Variants in SLC45A4 observed in about 807,000 individuals in gnomAD.
The protein encoded by SLC45A4 is polyamine-transporter SLC45A4.
SLC45A4 carries 32 observed loss-of-function variants against 63.7 expected under a neutral mutation model. That is an observed-to-expected ratio of 0.50 (90% CI 0.38 to 0.67). SLC45A4 has a LOEUF of 0.67. Among genes scored for constraint, SLC45A4 ranks in the 30% least tolerant of loss-of-function variants. SLC45A4 has a pLI of 0.00. For missense variants in SLC45A4, 1,027 were observed against 1,157.7 expected (o/e 0.89, Z 1.64); for synonymous variants, 535 against 510.0 (o/e 1.05, Z -0.66).
intron 2 of SLC45A4, among the ~76,000 whole-genome samples, chr8:141,238,179 C>T (rs1827723999): frequency 6.6e-6 from 1 of 152,240 alleles, no homozygotes; most frequent in African/African-American, 2.4e-5. Context: ...AACCCTCTCC[C>T]ACTGGACTAG....
chr8:141,218,782 C>A lies in SLC45A4; in HGVS notation c.858G>T (p.Glu286Asp), dbSNP rs750552377. 39 of 1,613,278 alleles carry A rather than the reference C, an allele frequency of 2.4e-5. No homozygotes were observed. Among genetic ancestry groups the A allele is most frequent in the Non-Finnish European group, 3.2e-5 (38 of 1,179,856 alleles). The change falls in exon 5 of 9, where the codon GAG becomes GAT. Residue 286 changes from glutamate to aspartate, a missense_variant. Coordinates refer to ENST00000517878, the MANE Select transcript of SLC45A4 (RefSeq NM_001286646.2). ...GGGCCAGCTCGTGCTCCGACTGTAC[C>A]TCGTCTGGGAAGGCAGGGACGCCGT... is the stretch of plus-strand genomic sequence containing the variant. ...EPHGVPAFPDEVQSEHELALD... is the reference protein window; with the variant it reads ...EPHGVPAFPDDVQSEHELALD...
chr8:141,280,429 G>T (rs1195577384), intron 1 of SLC45A4, among the ~76,000 whole-genome samples: 1 of 152,262 alleles, frequency 6.6e-6, no homozygotes, highest in Admixed American at 6.5e-5. Context: ...TTCAAGCTTA[G>T]ATTTGATTCC....
At chr8:141,250,883 C>T (rs1828433557) in intron 2 of SLC45A4, among the ~76,000 whole-genome samples, 1 of 152,250 alleles carries the variant, frequency 6.6e-6, no homozygotes, top group South Asian at 2.1e-4. Context: ...AATAAATAAT[C>T]AAAACAAAAC....
At chr8:141,238,911 G>A (rs919604174) in intron 2 of SLC45A4, among the ~76,000 whole-genome samples, 13 of 152,306 alleles carry the variant, frequency 8.5e-5, no homozygotes, top group African/African-American at 2.9e-4. Flanking sequence ...TATGAAGGGC[G>A]CCTGGGAAAC....
chr8:141,243,700 T>G (rs58706622), intron 2 of SLC45A4, among the ~76,000 whole-genome samples: 153 of 151,910 alleles, frequency 1.0e-3, no homozygotes, highest in African/African-American at 3.5e-3. Flanking sequence ...GTACCGTCCA[T>G]TTACACAGAT....
At position 141,282,139 on chromosome 8, in the gene SLC45A4, C is replaced by T. The variant is rs149521730; in HGVS notation, c.-401+25957G>A. ...CGATCGTCAGAAATACAGGCAGGCC[C>T]GGGTCTCAGGACGTCGAGGATGGAA... is the stretch of plus-strand genomic sequence containing the variant. On this transcript the variant is annotated intron_variant, in intron 1 of 8. Transcript: ENST00000517878. 2.1e-4 allele frequency among the ~76,000 whole-genome samples: 32 copies of T among 152,294 alleles called. 1 individual carries two copies. In the South Asian group the frequency reaches 5.0e-3, roughly 24 times the overall value.
At chr8:141,284,199 T>C (rs961155129) in intron 1 of SLC45A4, among the ~76,000 whole-genome samples, 1 of 152,074 alleles carries the variant, frequency 6.6e-6, no homozygotes, top group Admixed American at 6.6e-5. Flanking sequence ...CTGTCCACCG[T>C]CAAGTCATGA....
rs541566074 is a variant in SLC45A4 at position 141,274,920 on chromosome 8, C to T, written c.-400-20291G>A. On this transcript the variant is annotated intron_variant, in intron 1 of 8. Transcript: ENST00000517878. The stretch of plus-strand genomic sequence containing the variant: ...GTTCACCACAAGGAAAAGGGGGCCC[C>T]AGGGGCATTCCGGTTCAGAGGGCCA... Among the ~76,000 whole-genome samples the T allele has an allele frequency of 4.6e-5, 7 of 152,354 alleles. No individual in the cohort carries two copies. In the South Asian group the frequency reaches 1.2e-3, roughly 27 times the overall value.
At chr8:141,262,249 A>G (rs1351707656) in intron 1 of SLC45A4, among the ~76,000 whole-genome samples, 2 of 150,606 alleles carry the variant, frequency 1.3e-5, no homozygotes, top group East Asian at 1.9e-4. Flanking sequence ...TGTTAGACCT[A>G]AAACCATAAA....
At chr8:141,221,842 C>T (rs1458513091) in intron 2 of SLC45A4, 77 bp from the exon 3 acceptor site, 15 of 1,510,056 alleles carry the variant, frequency 9.9e-6, no homozygotes, top group Non-Finnish European at 1.4e-5. Flanking sequence ...AGCCCCGCGA[C>T]AGGCAGGTGC....
rs541449742 is a variant in SLC45A4 at position 141,263,846 on chromosome 8, T to C, written c.-400-9217A>G. Among the ~76,000 whole-genome samples the C allele has an allele frequency of 5.0e-4, 75 of 149,798 alleles. No homozygotes were observed. The South Asian group carries it at 0.016, about 31-fold the overall frequency. ...AGAAAATAAATAAATTAATTAAGGG[T>C]CCTATCACCTTGTCAAGGAGTGGCT... On this transcript the variant is annotated intron_variant, in intron 1 of 8. Transcript: ENST00000517878.
At position 141,210,856 on chromosome 8, in the gene SLC45A4, T is replaced by C. The variant is rs145740180; in HGVS notation, c.*716A>G. ...GTAAGCCTACACCGACCGTTTCAAA[T>C]AGGCTTAGTTCTAAAGAGACTGTGG... On this transcript the variant is annotated 3_prime_UTR_variant, in exon 9 of 9. Transcript: ENST00000517878. The C allele has an allele frequency of 1.3e-5, 2 of 152,382 alleles. No individual in the cohort carries two copies. Among genetic ancestry groups the C allele is most frequent in the East Asian group, 1.9e-4 (1 of 5,182 alleles). 9.4% of individuals were successfully genotyped at this position (152,382 alleles called of 1,614,324 possible).
chr8:141,273,363 T>G (rs1829611283), intron 1 of SLC45A4, among the ~76,000 whole-genome samples: 1 of 152,196 alleles, frequency 6.6e-6, no homozygotes, highest in Admixed American at 6.5e-5. Context: ...GCTTCTAGCC[T>G]GCGCATCCCC....
intron 1 of SLC45A4, among the ~76,000 whole-genome samples, chr8:141,306,783 G>A (rs1830909373): frequency 1.3e-5 from 2 of 152,374 alleles, no homozygotes; most frequent in South Asian, 4.1e-4. Context: ...ATGCTGGGCA[G>A]ATGCAGTGGC....
chr8:141,213,715 G>A (rs1250937293), intron 7 of SLC45A4, among the ~76,000 whole-genome samples: 1 of 152,224 alleles, frequency 6.6e-6, no homozygotes, highest in Non-Finnish European at 1.5e-5. Flanking sequence ...ACGCGGACAC[G>A]TGGCAGGGAG....
At position 141,254,529 on chromosome 8, in the gene SLC45A4, T is replaced by C. The variant is rs1164492056; in HGVS notation, c.-300A>G. On this transcript the variant is annotated 5_prime_UTR_variant, in exon 2 of 9. Coordinates refer to ENST00000517878, the MANE Select transcript of SLC45A4 (RefSeq NM_001286646.2). This position sits in a 1 kb window ranked among gnomAD's most constrained non-coding sequence, Gnocchi z 4.5. ...TCAGTTAATACCAGTTTCATCATTA[T>C]TACTGAAGAGGTGCTGAAGTGATTT... The C allele has an allele frequency of 2.3e-5, 16 of 701,826 alleles. No individual in the cohort carries two copies. Among genetic ancestry groups the C allele is most frequent in the Non-Finnish European group, 3.4e-5 (13 of 384,490 alleles). 43.5% of individuals were successfully genotyped at this position (701,826 alleles called of 1,614,324 possible). A position where few individuals can be genotyped will look rare whatever the true frequency, so the allele number is the denominator to read the frequency against.
intron 8 of SLC45A4, 150 bp from the exon 9 acceptor site, chr8:141,211,847 A>G: frequency 7.7e-7 from 1 of 1,302,512 alleles, no homozygotes; most frequent in African/African-American, 1.5e-5. Context: ...TAAGTTGCTT[A>G]TTGTCTATAT....
intron 2 of SLC45A4, among the ~76,000 whole-genome samples, chr8:141,230,956 C>T (rs574132666): frequency 1.6e-3 from 243 of 152,136 alleles, no homozygotes; most frequent in Non-Finnish European, 2.3e-3. Flanking sequence ...GCTCCGGGGA[C>T]GCTGTGCTGG....
At chr8:141,280,694 T>C (rs1829900990) in intron 1 of SLC45A4, among the ~76,000 whole-genome samples, 2 of 152,108 alleles carry the variant, frequency 1.3e-5, no homozygotes, top group Non-Finnish European at 1.5e-5. Flanking sequence ...ACCTCCACCA[T>C]GGGGGTTTTT....
Sources: allele counts gnomAD v4.1 joint callset (sites outside exome capture counted in the v4.1 genomes callset), GRCh38; gene constraint gnomAD v4.1.1; non-coding constraint Gnocchi (gnomAD v3.1); transcripts MANE v1.5; gene names NCBI Gene and HGNC (gene_info 2026-07-23, HGNC 2026-07-21).